The following FBXW7 variants were observed in gnomAD, a reference collection of about 807,000 sequenced individuals.
FBXW7 encodes the protein F-box/WD repeat-containing protein 7.
In FBXW7, 11 loss-of-function variants were observed where a neutral mutation model predicts 86.3. That is an observed-to-expected ratio of 0.13 (90% CI 0.08 to 0.21). The LOEUF is 0.21. Among genes scored for constraint, FBXW7 ranks in the 10% least tolerant of loss-of-function variants. FBXW7 has a pLI of 1.00. For missense variants in FBXW7, 488 were observed against 847.4 expected (o/e 0.58, Z 5.27); for synonymous variants, 313 against 297.9 (o/e 1.05, Z -0.52).
At chr4:152,475,330 G>A (rs960609833) in intron 2 of FBXW7, among the ~76,000 whole-genome samples, 5 of 151,954 alleles carry the variant, frequency 3.3e-5, no homozygotes, top group Admixed American at 2.0e-4. Flanking sequence ...AGGAAGGCGG[G>A]GCAGGAAGAC....
intron 2 of FBXW7, among the ~76,000 whole-genome samples, chr4:152,482,344 G>A (rs949930649): frequency 1.3e-5 from 2 of 152,116 alleles, no homozygotes; most frequent in Admixed American, 1.3e-4. Flanking sequence ...ATATGCACTA[G>A]GAAAACAAAA....
At chr4:152,408,324 C>T (rs1335596513) in intron 4 of FBXW7, among the ~76,000 whole-genome samples, 1 of 152,042 alleles carries the variant, frequency 6.6e-6, no homozygotes, top group African/African-American at 2.4e-5. Context: ...ATGAGCTGGG[C>T]ATATCTTCAG....
rs554564998 is a variant in FBXW7 at position 152,493,787 on chromosome 4, A to T, written c.-120+41154T>A. ...TTTGACATCCAGCCTCCACATAGTG[A>T]GAAAATTAATTTCTGTTGTTTAAGC... On this transcript the variant is annotated intron_variant, in intron 2 of 13. Transcript: ENST00000281708. Among the ~76,000 whole-genome samples, 4 of 152,362 alleles carry T rather than the reference A, an allele frequency of 2.6e-5. No individual in the cohort carries two copies. In the East Asian group the frequency reaches 7.7e-4, roughly 29 times the overall value.
chr4:152,324,224 G>T lies in FBXW7; in HGVS notation c.1815C>A (p.Ile605=), dbSNP rs1052609702. 1 of 1,612,578 alleles carries T rather than the reference G, an allele frequency of 6.2e-7. No individual in the cohort carries two copies. Among genetic ancestry groups the T allele is most frequent in the Non-Finnish European group, 8.5e-7 (1 of 1,179,428 alleles). The change falls in exon 13 of 14, where the codon ATC becomes ATA. Residue 605 remains isoleucine, a synonymous_variant. Coordinates refer to ENST00000281708, the MANE Select transcript of FBXW7 (RefSeq NM_001349798.2). ...VSGNADSTVK[I]WDIKTGQCLQ... is the part of the protein sequence containing the mutation. ...AACACTGTCCTGTTTTGATATCCCA[G>T]ATTTTAACTGTAGAATCTGCATTCC...
intron 2 of FBXW7, among the ~76,000 whole-genome samples, chr4:152,523,903 G>T (rs1560999407): frequency 6.6e-6 from 1 of 152,142 alleles, no homozygotes; most frequent in Non-Finnish European, 1.5e-5. Context: ...TCAATTCCTG[G>T]CATAGTAGGT....
At chr4:152,390,550 C>T (rs1191567337) in intron 4 of FBXW7, among the ~76,000 whole-genome samples, 1 of 151,954 alleles carries the variant, frequency 6.6e-6, no homozygotes, top group East Asian at 1.9e-4. Context: ...ATGCAAAAAG[C>T]CTCATGTAAT....
At chr4:152,424,702 C>A (rs1373912639) in intron 2 of FBXW7, among the ~76,000 whole-genome samples, 1 of 152,144 alleles carries the variant, frequency 6.6e-6, no homozygotes, top group Non-Finnish European at 1.5e-5. Context: ...AAATTTAATT[C>A]ATAAGTTACA....
chr4:152,396,960 C>T (rs1051914875), intron 4 of FBXW7, among the ~76,000 whole-genome samples: 8 of 151,774 alleles, frequency 5.3e-5, no homozygotes, highest in Admixed American at 2.0e-4. Context: ...TTTTGTCACT[C>T]CATTATAGTA....
At chr4:152,505,731 G>T (rs1747354933) in intron 2 of FBXW7, among the ~76,000 whole-genome samples, 1 of 151,180 alleles carries the variant, frequency 6.6e-6, no homozygotes, top group African/African-American at 2.4e-5. Context: ...GCCTTCTTGA[G>T]GCTGTTTTGC....
chr4:152,507,354 GT>G (rs954979165), intron 2 of FBXW7, among the ~76,000 whole-genome samples: 2 of 152,234 alleles, frequency 1.3e-5, no homozygotes, highest in African/African-American at 4.8e-5. Flanking sequence ...TCTTAGAAAA[GT>G]TTTTTAAATT....
At chr4:152,473,815 G>C (rs938369128) in intron 2 of FBXW7, among the ~76,000 whole-genome samples, 2 of 152,054 alleles carry the variant, frequency 1.3e-5, no homozygotes, top group African/African-American at 4.8e-5. Flanking sequence ...AGAATAACTT[G>C]AGACTTACAG....
At chr4:152,515,753 C>CTTTT (rs79255425) in intron 2 of FBXW7, among the ~76,000 whole-genome samples, 1 of 129,714 alleles carries the variant, frequency 7.7e-6, no homozygotes, top group African/African-American at 2.8e-5. Flanking sequence ...CCACAACTCT[C>CTTTT]TTTTTTTTTT....
At chr4:152,379,418 G>C (rs746409496) in intron 4 of FBXW7, among the ~76,000 whole-genome samples, 8 of 152,006 alleles carry the variant, frequency 5.3e-5, no homozygotes, top group Non-Finnish European at 1.0e-4. Flanking sequence ...CTTATTTTTA[G>C]TAAGTATTCC....
At chr4:152,404,874 C>T (rs566551687) in intron 4 of FBXW7, among the ~76,000 whole-genome samples, 28 of 152,066 alleles carry the variant, frequency 1.8e-4, no homozygotes, top group African/African-American at 6.7e-4. Flanking sequence ...AGGAAGATCA[C>T]CAGAGCTCAG....
At chr4:152,378,285 A>T (rs1389922243) in intron 4 of FBXW7, among the ~76,000 whole-genome samples, 1 of 152,234 alleles carries the variant, frequency 6.6e-6, no homozygotes, top group Non-Finnish European at 1.5e-5. Context: ...TTGGAATAGA[A>T]TTTGATATAG....
chr4:152,514,749 A>G (rs571701000), intron 2 of FBXW7, among the ~76,000 whole-genome samples: 2 of 152,134 alleles, frequency 1.3e-5, no homozygotes, highest in Non-Finnish European at 2.9e-5. Flanking sequence ...AAGCTTCCTG[A>G]AGCCCTCACC....
At chr4:152,500,537 T>C (rs1057079543) in intron 2 of FBXW7, among the ~76,000 whole-genome samples, 1 of 141,176 alleles carries the variant, frequency 7.1e-6, no homozygotes, top group East Asian at 2.2e-4. Flanking sequence ...AAAAATTACA[T>C]ATAATCCTTT....
chr4:152,379,119 C>A (rs1306768794), intron 4 of FBXW7, among the ~76,000 whole-genome samples: 1 of 152,010 alleles, frequency 6.6e-6, no homozygotes, highest in Non-Finnish European at 1.5e-5. Flanking sequence ...CTAGTGCCAT[C>A]AAGATGTATC....
chr4:152,383,968 T>G (rs1234883152), intron 4 of FBXW7, among the ~76,000 whole-genome samples: 1 of 152,136 alleles, frequency 6.6e-6, no homozygotes. Context: ...AAAGCCACAA[T>G]GCGCTACCAC....
Sources: allele counts gnomAD v4.1 joint callset (sites outside exome capture counted in the v4.1 genomes callset), GRCh38; gene constraint gnomAD v4.1.1; transcripts MANE v1.5; gene names NCBI Gene and HGNC (gene_info 2026-07-23, HGNC 2026-07-21).